The following CYCS variants were observed in gnomAD, a reference collection of about 807,000 sequenced individuals.
The protein encoded by CYCS is cytochrome c.
For synonymous variants in CYCS, 41 were observed against 43.0 expected (o/e 0.95, Z 0.18); for missense variants, 87 against 125.3 (o/e 0.69, Z 1.46).
In CYCS at chr7:25,120,584, CAA is replaced by C. The variant is rs961370382; in HGVS notation, c.*3115_*3116del. 2.0e-5 allele frequency: 3 copies of C among 152,324 alleles called. No individual in the cohort carries two copies. Among genetic ancestry groups the C allele is most frequent in the South Asian group, 2.1e-4 (1 of 4,830 alleles). 9.4% of individuals were successfully genotyped at this position (152,324 alleles called of 1,614,324 possible). On this transcript the variant is annotated 3_prime_UTR_variant, in exon 3 of 3. Coordinates refer to ENST00000305786, the MANE Select transcript of CYCS (RefSeq NM_018947.6). ...GGTTAGTGGCTACCACACTGGACAG[CAA>C]AAGTCTACAAAATATCCATCGTCAC...
Position 25,123,089 on chromosome 7 carries a change from G to A in CYCS, c.*612C>T, listed in dbSNP as rs1783387683. Reference sequence around the variant, plus strand: ...TAAAAGCATGTGACCTTATAGATCTGTAAGATGTGAGAGGTGTTGAATAAT... The same window carrying A: ...TAAAAGCATGTGACCTTATAGATCTATAAGATGTGAGAGGTGTTGAATAAT... On this transcript the variant is annotated 3_prime_UTR_variant, in exon 3 of 3. Transcript: ENST00000305786. 6.5e-6 allele frequency: 1 copy of A among 154,520 alleles called. No individual in the cohort carries two copies. The highest frequency in any genetic ancestry group is 2.0e-4 in the South Asian group (1 of 5,012). The allele number at this position is 154,520 out of a possible 1,614,324, so 9.6% of individuals were successfully genotyped here. A position where few individuals can be genotyped will look rare whatever the true frequency, so the allele number is the denominator to read the frequency against.
In CYCS at chr7:25,121,658, G is replaced by T. The variant is rs561411678; in HGVS notation, c.*2043C>A. 2 of 152,392 alleles carry T rather than the reference G, an allele frequency of 1.3e-5. No individual in the cohort carries two copies. The highest frequency in any genetic ancestry group is 2.1e-4 in the South Asian group (1 of 4,826). The allele number at this position is 152,392 out of a possible 1,614,324, so 9.4% of individuals were successfully genotyped here. ...GAATTTGAAAACCAGGCAGGGCCTG[G>T]TGGCTCACGCCTGTAATCCCAGCAC... On this transcript the variant is annotated 3_prime_UTR_variant, in exon 3 of 3. Transcript: ENST00000305786.
chr7:25,120,564 G>T lies in CYCS; in HGVS notation c.*3137C>A, dbSNP rs560307382. 6.6e-6 allele frequency: 1 copy of T among 152,230 alleles called. No individual in the cohort carries two copies. The highest frequency in any genetic ancestry group is 2.4e-5 in the African/African-American group (1 of 41,456). 9.4% of individuals were successfully genotyped at this position (152,230 alleles called of 1,614,324 possible). A position where few individuals can be genotyped will look rare whatever the true frequency, so the allele number is the denominator to read the frequency against. ...AGGGCTTAACAGCCACATGTGGTTA[G>T]TGGCTACCACACTGGACAGCAAAAG... On this transcript the variant is annotated 3_prime_UTR_variant, in exon 3 of 3. Transcript: ENST00000305786.
chr7:25,121,949 A>T lies in CYCS; in HGVS notation c.*1752T>A, dbSNP rs536908994. The T allele has an allele frequency of 6.6e-5, 10 of 151,836 alleles. No individual in the cohort carries two copies. The highest frequency in any genetic ancestry group is 6.6e-4 in the Admixed American group (10 of 15,224). The allele number at this position is 151,836 out of a possible 1,614,324, so 9.4% of individuals were successfully genotyped here. ...CTCAAAAAACAAACTAAACGCCACA[A>T]CTAGCCAAGATGGAAGGTTGAACAC... On this transcript the variant is annotated 3_prime_UTR_variant, in exon 3 of 3. Coordinates refer to ENST00000305786, the MANE Select transcript of CYCS (RefSeq NM_018947.6).
rs1783334361 is a variant in CYCS at position 25,120,027 on chromosome 7, T to C, written c.*3674A>G. 6.6e-6 allele frequency: 1 copy of C among 151,908 alleles called. No individual in the cohort carries two copies. Among genetic ancestry groups the C allele is most frequent in the Non-Finnish European group, 1.5e-5 (1 of 67,988 alleles). 9.4% of individuals were successfully genotyped at this position (151,908 alleles called of 1,614,324 possible). A position where few individuals can be genotyped will look rare whatever the true frequency, so the allele number is the denominator to read the frequency against. ...AAAACTTATGGTAAAATTATAAAGG[T>C]GAGCACAACAGGAACTGGAATCTAT... On this transcript the variant is annotated 3_prime_UTR_variant, in exon 3 of 3. Transcript: ENST00000305786.
rs923606418 is a variant in CYCS at position 25,123,265 on chromosome 7, G to C, written c.*436C>G. 2 of 200,374 alleles carry C rather than the reference G, an allele frequency of 1.0e-5. No individual in the cohort carries two copies. The highest frequency in any genetic ancestry group is 5.3e-5 in the Admixed American group (1 of 18,778). 12.4% of individuals were successfully genotyped at this position (200,374 alleles called of 1,614,324 possible). A position where few individuals can be genotyped will look rare whatever the true frequency, so the allele number is the denominator to read the frequency against. On this transcript the variant is annotated 3_prime_UTR_variant, in exon 3 of 3. Coordinates refer to ENST00000305786, the MANE Select transcript of CYCS (RefSeq NM_018947.6). The stretch of plus-strand genomic sequence containing the variant: ...TTATCTTCAACCCTTGCCTTTAAGA[G>C]GCAAATGAACATGAACACAAAACAC...
At position 25,119,689 on chromosome 7, in the gene CYCS, C is replaced by T. The variant is rs76344530; in HGVS notation, c.*4012G>A. The stretch of plus-strand genomic sequence containing the variant: ...CTCGAACTTCTGGGCACAAGCAGTC[C>T]TCCTGCCTCAGAGTGGCTGGGACTA... On this transcript the variant is annotated 3_prime_UTR_variant, in exon 3 of 3. Transcript: ENST00000305786. 4.4e-3 allele frequency among the ~76,000 whole-genome samples: 675 copies of T among 152,266 alleles called. 15 individuals are homozygous for T. Among genetic ancestry groups the T allele is most frequent in the East Asian group, 0.026 (134 of 5,180 alleles).
chr7:25,123,800 C>A lies in CYCS; in HGVS notation c.219G>T (p.Lys73Asn). ...DTLMEYLENP[K>N]KYIPGTKMIF... ...TCATTTTTGTTCCAGGGATGTACTT[C>A]TTGGGATTCTCCAAATACTCCATCA... The change falls in exon 3 of 3, where the codon AAG becomes AAT. Residue 73 changes from lysine to asparagine, a missense_variant. Transcript: ENST00000305786. The A allele has an allele frequency of 4.3e-6, 7 of 1,613,670 alleles. No individual in the cohort carries two copies. Among genetic ancestry groups the A allele is most frequent in the Non-Finnish European group, 5.9e-6 (7 of 1,180,014 alleles).
At chr7:25,123,891 A>AC in intron 2 of CYCS, 42 bp from the exon 3 acceptor site, 1 of 1,614,122 alleles carries the variant, frequency 6.2e-7, no homozygotes, top group African/African-American at 1.3e-5. Context: ...CACTCCTGAT[A>AC]GTTTGCCACA....
In CYCS at chr7:25,123,863, A is replaced by C; in HGVS notation, c.170-14T>G. The C allele has an allele frequency of 6.2e-7, 1 of 1,614,158 alleles. No homozygotes were observed. Among genetic ancestry groups the C allele is most frequent in the South Asian group, 1.1e-5 (1 of 91,086 alleles). On this transcript the variant is annotated splice_polypyrimidine_tract_variant and intron_variant, in intron 2 of 2. Coordinates refer to ENST00000305786, the MANE Select transcript of CYCS (RefSeq NM_018947.6). ...CCCAGATGATGCCTAAACAAGAAAGAATGCATCGGTTATTTCACACTCCTG... is the reference window on the plus strand; with the variant it reads ...CCCAGATGATGCCTAAACAAGAAAGCATGCATCGGTTATTTCACACTCCTG...
intron 1 of CYCS, 132 bp from the exon 2 acceptor site, chr7:25,124,259 T>G: frequency 2.6e-6 from 2 of 772,152 alleles, no homozygotes; most frequent in South Asian, 3.0e-5. Flanking sequence ...ATGAATCTTG[T>G]TTTGCTTTAA....
rs941660148 is a variant in CYCS, at chr7:25,119,519, G to A, written c.*4182C>T. ...TCAAGCTCCTGACCTCAGGTGATCTGCCTGCCTTGGCCTCCCAAAGTGCTG... is the reference window on the plus strand; with the variant it reads ...TCAAGCTCCTGACCTCAGGTGATCTACCTGCCTTGGCCTCCCAAAGTGCTG... On this transcript the variant is annotated 3_prime_UTR_variant, in exon 3 of 3. Coordinates refer to ENST00000305786, the MANE Select transcript of CYCS (RefSeq NM_018947.6). Among the ~76,000 whole-genome samples the A allele has an allele frequency of 4.6e-5, 7 of 151,376 alleles. No individual in the cohort carries two copies. Among genetic ancestry groups the A allele is most frequent in the African/African-American group, 1.5e-4 (6 of 41,118 alleles).
Position 25,123,791 on chromosome 7 carries a change from G to A in CYCS, c.228C>T (p.Ile76=). ...MEYLENPKKY[I]PGTKMIFVGI... ...CGACAAAGATCATTTTTGTTCCAGG[G>A]ATGTACTTCTTGGGATTCTCCAAAT... is the stretch of plus-strand genomic sequence containing the variant. The change falls in exon 3 of 3, where the codon ATC becomes ATT. Residue 76 remains isoleucine, a synonymous_variant. Coordinates refer to ENST00000305786, the MANE Select transcript of CYCS (RefSeq NM_018947.6). The A allele has an allele frequency of 1.9e-6, 3 of 1,612,984 alleles. No homozygotes were observed. Among genetic ancestry groups the A allele is most frequent in the Non-Finnish European group, 2.5e-6 (3 of 1,179,758 alleles).
rs918890073 is a variant in CYCS, at chr7:25,120,946, G to C, written c.*2755C>G. The stretch of plus-strand genomic sequence containing the variant: ...TCAAGACCAGCCTGTCCAGCATGGA[G>C]AAACCCTGTCTCTACTAAAAACACA... On this transcript the variant is annotated 3_prime_UTR_variant, in exon 3 of 3. Transcript: ENST00000305786. 2.6e-5 allele frequency: 4 copies of C among 151,918 alleles called. No individual in the cohort carries two copies. The highest frequency in any genetic ancestry group is 5.9e-5 in the Non-Finnish European group (4 of 67,976). The allele number at this position is 151,918 out of a possible 1,614,324, so 9.4% of individuals were successfully genotyped here. A position where few individuals can be genotyped will look rare whatever the true frequency, so the allele number is the denominator to read the frequency against.
rs121918552 is a variant in CYCS at position 25,123,996 on chromosome 7, C to T, written c.124G>A (p.Gly42Ser). Residue 42 changes from glycine to serine, a missense_variant, in exon 2 of 3, where the codon GGT becomes AGT. Gly to Ser is a moderately conservative substitution (Grantham distance 56, BLOSUM62 0). Transcript: ENST00000305786. ...GTGTAAGAGTATCCAGGGGCCTGAC[C>T]TGTCTTCCGCCCAAAGAGACCATGG... ...NLHGLFGRKT[G>S]QAPGYSYTAA... is the part of the protein sequence containing the mutation. 1.2e-6 allele frequency: 2 copies of T among 1,614,152 alleles called. No individual in the cohort carries two copies. The highest frequency in any genetic ancestry group is 1.7e-6 in the Non-Finnish European group (2 of 1,180,030).
Position 25,123,488 on chromosome 7 carries a change from T to G in CYCS, c.*213A>C. On this transcript the variant is annotated 3_prime_UTR_variant, in exon 3 of 3. Transcript: ENST00000305786. ...TTAAAAGGGGTAAACAGTGATACCA[T>G]TTACTGAATTGGAGTTACTATTAAA... is the stretch of plus-strand genomic sequence containing the variant. 1.8e-6 allele frequency: 1 copy of G among 565,684 alleles called. No homozygotes were observed. The highest frequency in any genetic ancestry group is 3.2e-6 in the Non-Finnish European group (1 of 316,740). 35.0% of individuals were successfully genotyped at this position (565,684 alleles called of 1,614,324 possible).
At position 25,120,860 on chromosome 7, in the gene CYCS, C is replaced by A. The variant is rs1277971295; in HGVS notation, c.*2841G>T. 1 of 151,782 alleles carries A rather than the reference C, an allele frequency of 6.6e-6. No individual in the cohort carries two copies. Among genetic ancestry groups the A allele is most frequent in the Non-Finnish European group, 1.5e-5 (1 of 67,918 alleles). The allele number at this position is 151,782 out of a possible 1,614,324, so 9.4% of individuals were successfully genotyped here. ...ACATAATTGGCCAGGCGTGGTGGCT[C>A]ACGCCTGTAATCCCAGCACTTTGGG... On this transcript the variant is annotated 3_prime_UTR_variant, in exon 3 of 3. Coordinates refer to ENST00000305786, the MANE Select transcript of CYCS (RefSeq NM_018947.6).
Position 25,123,416 on chromosome 7 carries a change from C to A in CYCS, c.*285G>T. 2.6e-6 allele frequency: 1 copy of A among 385,706 alleles called. No homozygotes were observed. The highest frequency in any genetic ancestry group is 4.9e-6 in the Non-Finnish European group (1 of 204,960). The allele number at this position is 385,706 out of a possible 1,614,324, so 23.9% of individuals were successfully genotyped here. ...CAGTAAGTTTTAAGATGGCACTCAC[C>A]ATCTTTGTGAAAAGTTGAACATTAC... is the stretch of plus-strand genomic sequence containing the variant. On this transcript the variant is annotated 3_prime_UTR_variant, in exon 3 of 3. Coordinates refer to ENST00000305786, the MANE Select transcript of CYCS (RefSeq NM_018947.6).
Position 25,123,552 on chromosome 7 carries a change from T to C in CYCS, c.*149A>G. ...ACATATTCATTTAACCACAAGCCAG[T>C]CTTAGTTTTAAATCAGGACTGCCCA... On this transcript the variant is annotated 3_prime_UTR_variant, in exon 3 of 3. Transcript: ENST00000305786. 1 of 703,914 alleles carries C rather than the reference T, an allele frequency of 1.4e-6. No homozygotes were observed. Among genetic ancestry groups the C allele is most frequent in the South Asian group, 1.7e-5 (1 of 58,374 alleles). 43.6% of individuals were successfully genotyped at this position (703,914 alleles called of 1,614,324 possible). A position where few individuals can be genotyped will look rare whatever the true frequency, so the allele number is the denominator to read the frequency against.
Sources: allele counts gnomAD v4.1 joint callset (sites outside exome capture counted in the v4.1 genomes callset), GRCh38; gene constraint gnomAD v4.1.1; transcripts MANE v1.5; gene names NCBI Gene and HGNC (gene_info 2026-07-23, HGNC 2026-07-21).